The following CCDC88C variants were observed in gnomAD, a reference collection of about 807,000 sequenced individuals.
CCDC88C encodes the protein coiled-coil and HOOK domain protein 88C.
Under a neutral mutation model 198.8 loss-of-function variants are expected in CCDC88C, and 131 were observed. The ratio of observed to expected loss-of-function variants is 0.66; its 90% CI spans 0.57 to 0.76. CCDC88C has a LOEUF of 0.76. CCDC88C is among the 30% of genes least tolerant of loss of function. The probability of loss-of-function intolerance (pLI) is 0.00; values close to 1 mark genes in which losing one functional copy is unlikely to be tolerated. For missense variants in CCDC88C, 2,553 were observed against 2,631.6 expected (o/e 0.97, Z 0.65); for synonymous variants, 1,166 against 1,114.7 (o/e 1.05, Z -0.92).
chr14:91,298,192 T>C (rs1891099305), intron 21 of CCDC88C, among the ~76,000 whole-genome samples: 1 of 152,094 alleles, frequency 6.6e-6, no homozygotes, highest in African/African-American at 2.4e-5. Flanking sequence ...CCCAGCACTC[T>C]GGGAGGCTGA....
chr14:91,281,610 AT>A (rs1215424845), intron 26 of CCDC88C, 85 bp from the exon 27 acceptor site: 1 of 1,171,930 alleles, frequency 8.5e-7, no homozygotes, highest in Non-Finnish European at 1.3e-6. Flanking sequence ...TGGCACCCGG[AT>A]CCCAGTAGCT....
chr14:91,281,460 A>G lies in CCDC88C; in HGVS notation c.4696T>C (p.Tyr1566His), dbSNP rs768451252. Residue 1566 changes from tyrosine to histidine, a missense_variant, in exon 27 of 30, where the codon TAC becomes CAC. This residue lies in a region of CCDC88C where 1,293 missense variants were observed against 1,219.6 expected (regional missense o/e 1.06). Coordinates refer to ENST00000389857, the MANE Select transcript of CCDC88C (RefSeq NM_001080414.4). ...ACACAGCACCCTCCCTACTCACCGTACTGCCTGTGGTTGGGGACCTCAAAC... is the reference window on the plus strand; with the variant it reads ...ACACAGCACCCTCCCTACTCACCGTGCTGCCTGTGGTTGGGGACCTCAAAC... ...LEFEVPNHRQYVSRPSSLESS... is the reference protein window; with the variant it reads ...LEFEVPNHRQHVSRPSSLESS... 6.8e-6 allele frequency: 11 copies of G among 1,613,794 alleles called. No homozygotes were observed. Among genetic ancestry groups the G allele is most frequent in the Admixed American group, 6.7e-5 (4 of 60,010 alleles).
intron 3 of CCDC88C, among the ~76,000 whole-genome samples, chr14:91,367,208 G>T (rs1313780547): frequency 1.3e-5 from 2 of 151,500 alleles, no homozygotes; most frequent in Non-Finnish European, 2.9e-5. Context: ...CTATGAATGG[G>T]AGCTGCTAAT....
Position 91,338,600 on chromosome 14 carries a change from G to C in CCDC88C, c.810-30C>G. 6.6e-7 allele frequency: 1 copy of C among 1,512,218 alleles called. No individual in the cohort carries two copies. The highest frequency in any genetic ancestry group is 2.0e-5 in the Admixed American group (1 of 51,040). 93.7% of individuals were successfully genotyped at this position (1,512,218 alleles called of 1,614,324 possible). ...AGAGGCAGTAAGGAGAAAGAGTGTG[G>C]GAGGCAGCTTCCTCAACAAGCAGCC... On this transcript the variant is annotated intron_variant, in intron 8 of 29. Transcript: ENST00000389857. The surrounding 1 kb of genome is among the most constrained non-coding windows in gnomAD (Gnocchi z 4.8).
At chr14:91,345,071 C>T (rs1218425879) in intron 4 of CCDC88C, among the ~76,000 whole-genome samples, 6 of 148,250 alleles carry the variant, frequency 4.0e-5, no homozygotes, top group Non-Finnish European at 3.0e-5. Flanking sequence ...TGGGATCACA[C>T]GTGTGAGCCA....
chr14:91,281,596 C>T (rs1476626491), intron 26 of CCDC88C, 71 bp from the exon 27 acceptor site: 7 of 1,374,184 alleles, frequency 5.1e-6, no homozygotes, highest in South Asian at 1.2e-5. Flanking sequence ...CCCGCCACCT[C>T]GCCTGGCACC....
At position 91,309,928 on chromosome 14, in the gene CCDC88C, C is replaced by A; in HGVS notation, c.2795G>T (p.Ser932Ile). The A allele has an allele frequency of 6.2e-7, 1 of 1,608,290 alleles. No individual in the cohort carries two copies. The highest frequency in any genetic ancestry group is 8.5e-7 in the Non-Finnish European group (1 of 1,177,456). The part of the protein sequence containing the change: ...QQLSSELDKL[S>I]QELEKVGLNR... The stretch of plus-strand genomic sequence containing the variant: ...GAGGCCGACCTTCTCCAGTTCCTGG[C>A]TCAGCTTGTCCAGCTCACTGCTGAG... The change falls in exon 16 of 30, where the codon AGC becomes ATC. Residue 932 changes from serine (S) to isoleucine (I), a missense_variant. Ser to Ile is a moderately radical substitution (Grantham distance 142). Coordinates refer to ENST00000389857, the MANE Select transcript of CCDC88C (RefSeq NM_001080414.4).
At chr14:91,321,709 G>A (rs1210951847) in intron 12 of CCDC88C, among the ~76,000 whole-genome samples, 4 of 152,214 alleles carry the variant, frequency 2.6e-5, no homozygotes, top group African/African-American at 9.7e-5. Flanking sequence ...CGGCTGCTCA[G>A]CAGGCAGGGG....
chr14:91,388,268 G>C (rs1885271473), intron 3 of CCDC88C, among the ~76,000 whole-genome samples: 1 of 152,208 alleles, frequency 6.6e-6, no homozygotes, highest in Non-Finnish European at 1.5e-5. Flanking sequence ...CTGTCACACA[G>C]AAGTGAGCTC....
At chr14:91,333,599 T>C (rs983612942) in intron 10 of CCDC88C, among the ~76,000 whole-genome samples, 3 of 152,252 alleles carry the variant, frequency 2.0e-5, no homozygotes, top group African/African-American at 7.2e-5. Flanking sequence ...CTGCTTGCGA[T>C]TCTGGAGGAC....
At chr14:91,335,118 T>C (rs1461352727) in intron 10 of CCDC88C, among the ~76,000 whole-genome samples, 1 of 152,130 alleles carries the variant, frequency 6.6e-6, no homozygotes, top group Non-Finnish European at 1.5e-5. Context: ...CTGCTCTACA[T>C]GCTGAGAACA....
chr14:91,289,102 T>C lies in CCDC88C; in HGVS notation c.4441+3A>G. 6.2e-7 allele frequency: 1 copy of C among 1,610,782 alleles called. No individual in the cohort carries two copies. On this transcript the variant is annotated splice_donor_region_variant and intron_variant, in intron 25 of 29. Coordinates refer to ENST00000389857, the MANE Select transcript of CCDC88C (RefSeq NM_001080414.4). Reference sequence around the variant, plus strand: ...CGACCACGGCCAGGACGGCCGCCCCTACCTTTCCCCACAGACCCGTTGTGG... The same window carrying C: ...CGACCACGGCCAGGACGGCCGCCCCCACCTTTCCCCACAGACCCGTTGTGG...
chr14:91,365,192 C>CTCACCCT (rs1894478409), intron 3 of CCDC88C, among the ~76,000 whole-genome samples: 1 of 152,192 alleles, frequency 6.6e-6, no homozygotes, highest in Non-Finnish European at 1.5e-5. Flanking sequence ...CCCCTCACCC[C>CTCACCCT]TCCCAGGCAG....
At chr14:91,406,156 CCA>C (rs1293447499) in intron 3 of CCDC88C, among the ~76,000 whole-genome samples, 4 of 152,218 alleles carry the variant, frequency 2.6e-5, no homozygotes, top group Non-Finnish European at 1.5e-5. Flanking sequence ...CTTCTCAAAC[CCA>C]CACAGTCTCA....
intron 4 of CCDC88C, among the ~76,000 whole-genome samples, chr14:91,355,880 C>T (rs1894020962): frequency 6.6e-6 from 1 of 152,048 alleles, no homozygotes; most frequent in Admixed American, 6.6e-5. Context: ...GGACCAGATG[C>T]TCTGTTGGGA....
chr14:91,337,821 T>TG (rs1253755635), intron 10 of CCDC88C, among the ~76,000 whole-genome samples, 184 bp downstream of exon 10: 1 of 152,206 alleles, frequency 6.6e-6, no homozygotes, highest in African/African-American at 2.4e-5. Flanking sequence ...CCCTGCTGAC[T>TG]GGGAGATGAA....
chr14:91,345,186 A>ATTTTTTTTT (rs1253529075), intron 4 of CCDC88C, among the ~76,000 whole-genome samples: 4 of 72,464 alleles, frequency 5.5e-5, no homozygotes, highest in South Asian at 4.6e-4. Flanking sequence ...ATATATATAT[A>ATTTTTTTTT]TATATTTTTT....
chr14:91,395,173 T>C (rs1335593301), intron 3 of CCDC88C, among the ~76,000 whole-genome samples: 2 of 152,102 alleles, frequency 1.3e-5, no homozygotes, highest in Admixed American at 1.3e-4. Context: ...ATGGTGAGGC[T>C]CTTGGTTGTT....
chr14:91,416,980 C>A (rs1887094644), intron 1 of CCDC88C, 142 bp from the exon 2 acceptor site: 1 of 687,048 alleles, frequency 1.5e-6, no homozygotes, highest in Non-Finnish European at 2.6e-6. Context: ...TCAGCAGGCA[C>A]CAAGCCCGGC....
Sources: gnomAD v4.1 joint callset for allele counts (sites outside exome capture counted in the v4.1 genomes callset) on GRCh38, gnomAD v4.1.1 for gene constraint, gnomAD v4.1.1 regional missense constraint, Gnocchi (gnomAD v3.1) non-coding constraint, MANE v1.5 for transcripts, NCBI Gene and HGNC (gene_info 2026-07-23, HGNC 2026-07-21) for gene names.